KAT2B: variants seen among roughly 807,000 people sequenced by gnomAD.
KAT2B encodes lysine acetyltransferase 2B, also known as histone acetyltransferase KAT2B.
Under a neutral mutation model 105.9 loss-of-function variants are expected in KAT2B, and 36 were observed. The ratio of observed to expected loss-of-function variants is 0.34; its 90% confidence interval spans 0.26 to 0.45. The LOEUF (loss-of-function observed/expected upper bound fraction) is 0.45. Ranked by LOEUF, KAT2B falls within the 20% of genes least tolerant of loss-of-function variation. The pLI is 1.00. For missense variants in KAT2B, 820 were observed against 1,021.6 expected (o/e 0.80, Z 2.69); for synonymous variants, 397 against 377.9 (o/e 1.05, Z -0.59).
chr3:20,061,186 G>A (rs964300174), intron 1 of KAT2B, among the ~76,000 whole-genome samples: 3 of 152,018 alleles, frequency 2.0e-5, no homozygotes, highest in Non-Finnish European at 2.9e-5. Context: ...CTATCTCTAT[G>A]AATTTGGCTA....
chr3:20,062,319 A>T (rs1434013096), intron 1 of KAT2B, among the ~76,000 whole-genome samples: 1 of 105,216 alleles, frequency 9.5e-6, no homozygotes, highest in Non-Finnish European at 1.8e-5. Flanking sequence ...ATATATATAA[A>T]ATATTTATTA....
At chr3:20,149,498 A>AAAAAAAAAAAAAAAAAAAAAAAAAG (rs1699835263) in intron 17 of KAT2B, among the ~76,000 whole-genome samples, 1 of 136,452 alleles carries the variant, frequency 7.3e-6, no homozygotes, top group Non-Finnish European at 1.6e-5. Context: ...CGTATCTCAA[A>AAAAAAAAAAAAAAAAAAAAAAAAAG]AAAAAAAAAA....
chr3:20,076,302 G>A (rs1484493038), intron 2 of KAT2B, among the ~76,000 whole-genome samples: 7 of 151,992 alleles, frequency 4.6e-5, no homozygotes, highest in Middle Eastern at 3.2e-3. Flanking sequence ...ATTTTCTCAG[G>A]GTACGGGGGG....
chr3:20,116,207 A>G lies in KAT2B; in HGVS notation c.1150+1219A>G, dbSNP rs569613394. ...GTTGAGCAGTTAGCATTTAGTGGAC[A>G]TGTTTTCTGTGGTTACTGGACATAT... On this transcript the variant is annotated intron_variant, in intron 7 of 17. Transcript: ENST00000263754. Among the ~76,000 whole-genome samples, 8 of 152,032 alleles carry G rather than the reference A, an allele frequency of 5.3e-5. No homozygotes were observed. In the East Asian group the frequency reaches 1.2e-3, roughly 22 times the overall value.
At chr3:20,131,554 G>T (rs1699511627) in intron 11 of KAT2B, among the ~76,000 whole-genome samples, 1 of 151,982 alleles carries the variant, frequency 6.6e-6, no homozygotes, top group African/African-American at 2.4e-5. Flanking sequence ...ATAAGCAGAG[G>T]TTTTATTTTT....
intron 17 of KAT2B, chr3:20,148,954 A>G (rs533767814): frequency 6.4e-6 from 1 of 156,518 alleles, no homozygotes; most frequent in Admixed American, 6.2e-5. Context: ...GAGAAATTCT[A>G]CTTACCACAA....
intron 1 of KAT2B, among the ~76,000 whole-genome samples, chr3:20,043,148 G>A (rs12490824): frequency 1.3e-5 from 2 of 151,978 alleles, no homozygotes; most frequent in Non-Finnish European, 2.9e-5. Context: ...CAAGCAATTT[G>A]CCCGCCTTGC....
At chr3:20,144,369 A>G (rs541441969) in intron 13 of KAT2B, among the ~76,000 whole-genome samples, 25 of 142,454 alleles carry the variant, frequency 1.8e-4, no homozygotes, top group Admixed American at 3.0e-4. Flanking sequence ...GCTCACTGCA[A>G]GCTCTGCCTC....
Position 20,127,497 on chromosome 3 carries a change from A to G in KAT2B, c.1697A>G (p.Gln566Arg). The G allele has an allele frequency of 6.2e-7, 1 of 1,613,378 alleles. No individual in the cohort carries two copies. The highest frequency in any genetic ancestry group is 8.5e-7 in the Non-Finnish European group (1 of 1,179,296). Residue 566 changes from glutamine to arginine, a missense_variant, in exon 11 of 18, where the codon CAA (glutamine) becomes CGA (arginine). Physicochemically the swap from Gln to Arg is conservative, Grantham distance 43. This residue lies in a region of KAT2B where 225 missense variants were observed against 268.1 expected (regional missense o/e 0.84). Transcript: ENST00000263754. ...GGICFRMFPS[Q>R]GFTEIVFCAV... The stretch of plus-strand genomic sequence containing the variant: ...ATCTGTTTCCGTATGTTCCCATCTC[A>G]AGGATTCACAGAGATTGTCTTCTGT...
chr3:20,110,995 A>T (rs934665523), intron 5 of KAT2B, among the ~76,000 whole-genome samples: 1 of 152,220 alleles, frequency 6.6e-6, no homozygotes, highest in Admixed American at 6.5e-5. Context: ...CCTGAAGATC[A>T]TTATCTTCCC....
Position 20,148,293 on chromosome 3 carries a change from T to C in KAT2B, c.2207T>C (p.Leu736Pro). 1 of 1,614,014 alleles carries C rather than the reference T, an allele frequency of 6.2e-7. No homozygotes were observed. The highest frequency in any genetic ancestry group is 8.5e-7 in the Non-Finnish European group (1 of 1,179,888). Residue 736 changes from leucine (L) to proline (P), a missense_variant, in exon 16 of 18, where the codon CTC becomes CCC. Physicochemically the swap from Leu to Pro is moderately conservative, Grantham distance 98. This residue lies in a region of KAT2B where 227 missense variants were observed against 292.9 expected (regional missense o/e 0.77). Coordinates refer to ENST00000263754, the MANE Select transcript of KAT2B (RefSeq NM_003884.5). ...CTTTACAGCACGCTCAAGAGCATCC[T>C]CCAGCAGGTGAAGGTGGGTGTCCTC... ...DQLYSTLKSI[L>P]QQVKSHQSAW...
chr3:20,112,166 C>CTT (rs5847044), intron 6 of KAT2B, among the ~76,000 whole-genome samples: 42 of 141,222 alleles, frequency 3.0e-4, no homozygotes, highest in South Asian at 2.0e-3. Flanking sequence ...GCTCAAGTGG[C>CTT]TTTTTTTTTT....
chr3:20,148,446 C>CAGA lies in KAT2B; in HGVS notation c.2267_2269dup (p.Glu756dup). 6.2e-7 allele frequency: 1 copy of CAGA among 1,609,822 alleles called. No homozygotes were observed. The highest frequency in any genetic ancestry group is 8.5e-7 in the Non-Finnish European group (1 of 1,178,854). On this transcript the variant is annotated inframe_insertion, in exon 17 of 18. Coordinates refer to ENST00000263754, the MANE Select transcript of KAT2B (RefSeq NM_003884.5). ...CCCTTCATGGAACCTGTGAAGAGAA[C>CAGA]AGAAGCTCCAGGATATTATGAAGTT...
chr3:20,125,907 C>T lies in KAT2B; in HGVS notation c.1416C>T (p.Thr472=). Residue 472 remains threonine (T), a splice_region_variant and synonymous_variant, in exon 10 of 18, where the codon ACC becomes ACT. Transcript: ENST00000263754. ...TDPAAMLGPE[T]NFLSAHSARD... ...TTTTCCTGTCTCTTGCATCTCAGAC[C>T]AATTTTCTGTCAGCACACTCGGCCA... The T allele has an allele frequency of 3.1e-6, 5 of 1,613,304 alleles. No homozygotes were observed. The highest frequency in any genetic ancestry group is 4.2e-6 in the Non-Finnish European group (5 of 1,179,878).
chr3:20,093,980 T>G (rs1698766415), intron 2 of KAT2B, among the ~76,000 whole-genome samples: 1 of 152,196 alleles, frequency 6.6e-6, no homozygotes, highest in African/African-American at 2.4e-5. Context: ...AAAATATGTT[T>G]GTAGGTGCTT....
intron 2 of KAT2B, among the ~76,000 whole-genome samples, chr3:20,086,194 C>T (rs962543383): frequency 4.6e-5 from 7 of 152,092 alleles, no homozygotes; most frequent in African/African-American, 1.4e-4. Flanking sequence ...ATTACCTGAG[C>T]CCAGAAAAGT....
At chr3:20,145,579 T>TA (rs1699771689) in intron 13 of KAT2B, among the ~76,000 whole-genome samples, 1 of 112,918 alleles carries the variant, frequency 8.9e-6, no homozygotes, top group Non-Finnish European at 1.8e-5. Context: ...TTTTTTTTTT[T>TA]ATTAAAGGGA....
intron 1 of KAT2B, among the ~76,000 whole-genome samples, chr3:20,071,881 A>G (rs2686320): frequency 0.41 from 62,895 of 151,974 alleles, 13,323 homozygotes; most frequent in South Asian, 0.5. Context: ...CTTCGGTTCT[A>G]TGGGTTTCCC....
chr3:20,048,852 TG>T (rs938208044), intron 1 of KAT2B, among the ~76,000 whole-genome samples: 1 of 152,204 alleles, frequency 6.6e-6, no homozygotes, highest in African/African-American at 2.4e-5. Context: ...CCCTCTATGC[TG>T]GGTGCCTTTG....
Sources: gnomAD v4.1 joint callset for allele counts (sites outside exome capture counted in the v4.1 genomes callset) on GRCh38, gnomAD v4.1.1 for gene constraint, gnomAD v4.1.1 regional missense constraint, MANE v1.5 for transcripts, NCBI Gene and HGNC (gene_info 2026-07-23, HGNC 2026-07-21) for gene names.